ALK: variants seen among roughly 807,000 people sequenced by gnomAD.
The protein encoded by ALK is ALK tyrosine kinase receptor.
A neutral mutation model predicts 163.1 loss-of-function variants in ALK; 74 were observed. The ratio of observed to expected loss-of-function variants is 0.45; its 90% CI spans 0.38 to 0.55. The LOEUF is 0.55. ALK is among the 20% of genes least tolerant of loss of function. ALK has a pLI of 0.00. For missense variants in ALK, 2,063 were observed against 2,105.3 expected (o/e 0.98, Z 0.39); for synonymous variants, 960 against 843.2 (o/e 1.14, Z -2.40).
chr2:29,262,736 C>G (rs1045431248), intron 11 of ALK, among the ~76,000 whole-genome samples: 3 of 152,228 alleles, frequency 2.0e-5, no homozygotes, highest in African/African-American at 7.2e-5. Flanking sequence ...AGCTTGCCCC[C>G]ATCAACAGGG....
chr2:29,862,184 G>A (rs1018202479), intron 1 of ALK, among the ~76,000 whole-genome samples: 4 of 152,104 alleles, frequency 2.6e-5, no homozygotes, highest in African/African-American at 9.7e-5. Flanking sequence ...ATGGTGAAAA[G>A]TTGAACGTTT....
intron 1 of ALK, among the ~76,000 whole-genome samples, chr2:29,725,966 C>T (rs1679560383): frequency 6.6e-6 from 1 of 152,218 alleles, no homozygotes; most frequent in Non-Finnish European, 1.5e-5. Flanking sequence ...CCTGACTCAT[C>T]CATGAGCGTC....
chr2:29,508,161 G>C (rs910610915), intron 4 of ALK, among the ~76,000 whole-genome samples: 1 of 152,056 alleles, frequency 6.6e-6, no homozygotes, highest in African/African-American at 2.4e-5. Context: ...TCACTGATCT[G>C]ATGTTCAAGG....
At chr2:29,917,086 T>G (rs986658758) in intron 1 of ALK, among the ~76,000 whole-genome samples, 1 of 152,350 alleles carries the variant, frequency 6.6e-6, no homozygotes, top group East Asian at 1.9e-4. Flanking sequence ...TCACAAGCAA[T>G]GCAACGGTTT....
Position 29,909,182 on chromosome 2 carries a change from C to G in ALK, c.667+10811G>C, listed in dbSNP as rs572360445. Among the ~76,000 whole-genome samples, 4 of 152,286 alleles carry G rather than the reference C, an allele frequency of 2.6e-5. No individual in the cohort carries two copies. In the East Asian group the frequency reaches 7.7e-4, roughly 29 times the overall value. On this transcript the variant is annotated intron_variant, in intron 1 of 28. Coordinates refer to ENST00000389048, the MANE Select transcript of ALK (RefSeq NM_004304.5). ...GCATGATCCTTCCTACCATGAATAA[C>G]TGTAAAACTGACAAAATATTTGAAA...
chr2:29,672,756 A>C (rs1477577552), intron 3 of ALK, among the ~76,000 whole-genome samples: 1 of 151,504 alleles, frequency 6.6e-6, no homozygotes, highest in African/African-American at 2.4e-5. Flanking sequence ...CGCCACACTG[A>C]CTTCCACAAG....
intron 3 of ALK, among the ~76,000 whole-genome samples, chr2:29,550,267 A>T (rs1319583353): frequency 6.6e-6 from 1 of 152,152 alleles, no homozygotes; most frequent in East Asian, 1.9e-4. Context: ...GAAAACTGAG[A>T]CTCGGAGATA....
chr2:29,741,352 A>T (rs1054227137), intron 1 of ALK, among the ~76,000 whole-genome samples: 1 of 152,172 alleles, frequency 6.6e-6, no homozygotes, highest in African/African-American at 2.4e-5. Context: ...AGGTCTGTCA[A>T]TTGTTACAAA....
intron 1 of ALK, among the ~76,000 whole-genome samples, chr2:29,914,237 G>A (rs1667775490): frequency 6.6e-6 from 1 of 152,152 alleles, no homozygotes; most frequent in South Asian, 2.1e-4. Context: ...CGCCTTCCAT[G>A]GTGAAATGGT....
At chr2:29,225,377 C>A (rs1165050328) in intron 19 of ALK, 84 bp downstream of exon 19, 2 of 1,265,314 alleles carry the variant, frequency 1.6e-6, no homozygotes, top group South Asian at 2.5e-5. Flanking sequence ...GAAGTGACAC[C>A]TTGGCACCTG....
At chr2:29,339,058 C>T (rs796187488) in intron 5 of ALK, among the ~76,000 whole-genome samples, 1 of 152,138 alleles carries the variant, frequency 6.6e-6, no homozygotes, top group Non-Finnish European at 1.5e-5. Context: ...GCCTGGCCAA[C>T]ATGGCGAAAC....
At chr2:29,768,547 T>C (rs915155044) in intron 1 of ALK, among the ~76,000 whole-genome samples, 1 of 152,192 alleles carries the variant, frequency 6.6e-6, no homozygotes, top group Non-Finnish European at 1.5e-5. Context: ...AAAGTTCCAT[T>C]ATATTGGTAT....
intron 4 of ALK, among the ~76,000 whole-genome samples, chr2:29,409,539 T>C (rs774478284): frequency 1.4e-3 from 213 of 152,144 alleles, no homozygotes; most frequent in Non-Finnish European, 2.6e-3. Flanking sequence ...ATTATTCTAC[T>C]TTCCTCCAGA....
chr2:29,200,096 G>GCCTGGCACATATATTATTC (rs1308621769), intron 26 of ALK, among the ~76,000 whole-genome samples: 1 of 151,044 alleles, frequency 6.6e-6, no homozygotes, highest in African/African-American at 2.4e-5. Context: ...CTTACAAATT[G>GCCTGGCACATATATTATTC]CCTGGCACAT....
At chr2:29,757,081 G>A (rs1295055626) in intron 1 of ALK, among the ~76,000 whole-genome samples, 1 of 152,176 alleles carries the variant, frequency 6.6e-6, no homozygotes, top group Non-Finnish European at 1.5e-5. Flanking sequence ...GTGCATTGAG[G>A]CAGTGAGCTC....
chr2:29,810,855 T>C (rs1033358584), intron 1 of ALK, among the ~76,000 whole-genome samples: 2 of 152,120 alleles, frequency 1.3e-5, no homozygotes, highest in African/African-American at 4.8e-5. Context: ...AATGAAGTTA[T>C]AAAGATAGGG....
At chr2:29,293,517 G>A (rs1666095577) in intron 9 of ALK, among the ~76,000 whole-genome samples, 1 of 152,196 alleles carries the variant, frequency 6.6e-6, no homozygotes, top group African/African-American at 2.4e-5. Flanking sequence ...GAGTATAGGT[G>A]TCTGGGGATA....
At chr2:29,543,541 T>C (rs958563190) in intron 3 of ALK, among the ~76,000 whole-genome samples, 2 of 152,226 alleles carry the variant, frequency 1.3e-5, no homozygotes, top group African/African-American at 4.8e-5. Context: ...GGCTTTTTCC[T>C]AGCCCTATGG....
At chr2:29,248,610 C>T (rs1194546209) in intron 12 of ALK, among the ~76,000 whole-genome samples, 2 of 152,184 alleles carry the variant, frequency 1.3e-5, no homozygotes, top group Non-Finnish European at 2.9e-5. Context: ...GGCAAAATCG[C>T]CAGACAGTGC....
Sources: allele counts gnomAD v4.1 joint callset (sites outside exome capture counted in the v4.1 genomes callset), GRCh38; gene constraint gnomAD v4.1.1; transcripts MANE v1.5; gene names NCBI Gene and HGNC (gene_info 2026-07-23, HGNC 2026-07-21).